XIRP2: variants seen among roughly 807,000 people sequenced by gnomAD.
The protein encoded by XIRP2 is xin actin-binding repeat-containing protein 2.
XIRP2 carries 236 observed loss-of-function variants against 277.0 expected under a neutral mutation model. The observed-to-expected ratio is 0.85, with a 90% CI of 0.77 to 0.95. XIRP2 has a LOEUF of 0.95. XIRP2 is among the 40% of genes least tolerant of loss of function. The probability of loss-of-function intolerance (pLI) is 0.00; values close to 1 mark genes in which losing one functional copy is unlikely to be tolerated. For synonymous variants in XIRP2, 1,490 were observed against 1,416.5 expected (o/e 1.05, Z -1.17); for missense variants, 4,640 against 4,157.5 (o/e 1.12, Z -3.19).
chr2:167,110,453 A>G (rs761049902), intron 2 of XIRP2, among the ~76,000 whole-genome samples: 3 of 152,076 alleles, frequency 2.0e-5, no homozygotes, highest in Non-Finnish European at 2.9e-5. Flanking sequence ...TGTTTTTGTC[A>G]GCTTTGTCAA....
intron 2 of XIRP2, among the ~76,000 whole-genome samples, chr2:167,120,377 G>A (rs1053149868): frequency 3.3e-5 from 5 of 152,276 alleles, no homozygotes; most frequent in Non-Finnish European, 5.9e-5. Flanking sequence ...GCAAATAACT[G>A]TATTATAGCA....
chr2:167,219,337 CTG>C (rs1694353964), intron 5 of XIRP2, among the ~76,000 whole-genome samples: 1 of 152,104 alleles, frequency 6.6e-6, no homozygotes, highest in Non-Finnish European at 1.5e-5. Context: ...TAATACATAA[CTG>C]TTGCAATGTA....
chr2:167,114,742 A>C (rs1368788928), intron 2 of XIRP2, among the ~76,000 whole-genome samples: 1 of 150,602 alleles, frequency 6.6e-6, no homozygotes, highest in African/African-American at 2.4e-5. Flanking sequence ...GATGATTTCC[A>C]CTCTCATCCA....
chr2:167,118,761 A>C (rs1245859577), intron 2 of XIRP2, among the ~76,000 whole-genome samples: 1 of 152,166 alleles, frequency 6.6e-6, no homozygotes, highest in Admixed American at 6.5e-5. Context: ...CTAGTTTCAG[A>C]TAGCCTATTA....
intron 2 of XIRP2, among the ~76,000 whole-genome samples, chr2:166,908,035 TC>T: frequency 6.6e-6 from 1 of 152,186 alleles, no homozygotes; most frequent in African/African-American, 2.4e-5. Context: ...TTGCATTGGT[TC>T]CAAGTCTTTG....
chr2:166,956,484 G>A (rs1686163189), intron 2 of XIRP2, among the ~76,000 whole-genome samples: 1 of 151,824 alleles, frequency 6.6e-6, no homozygotes, highest in Non-Finnish European at 1.5e-5. Context: ...ATGCATATGA[G>A]TATTTTGTGG....
chr2:167,085,681 C>G (rs1689918442), intron 2 of XIRP2, among the ~76,000 whole-genome samples: 1 of 151,654 alleles, frequency 6.6e-6, no homozygotes, highest in Non-Finnish European at 1.5e-5. Flanking sequence ...TGAATTGATC[C>G]CTTTACCATT....
intron 5 of XIRP2, among the ~76,000 whole-genome samples, chr2:167,224,400 A>ATTTTTG (rs1226305397): frequency 3.3e-5 from 5 of 151,522 alleles, no homozygotes; most frequent in South Asian, 4.2e-4. Context: ...CGCCCAGCTA[A>ATTTTTG]TTTTTGTTTT....
chr2:167,051,323 C>A (rs1289532583), intron 2 of XIRP2, among the ~76,000 whole-genome samples: 1 of 152,020 alleles, frequency 6.6e-6, no homozygotes, highest in East Asian at 1.9e-4. Flanking sequence ...ATGGTAAATT[C>A]TTTGGTAATA....
intron 3 of XIRP2, among the ~76,000 whole-genome samples, chr2:167,156,975 A>AT (rs896442589): frequency 2.0e-5 from 3 of 151,772 alleles, no homozygotes; most frequent in African/African-American, 7.3e-5. Flanking sequence ...GTTTCTTTCA[A>AT]TTTTTTTTCA....
In XIRP2 at chr2:167,246,928, A is replaced by G. The variant is rs1172344572; in HGVS notation, c.5536A>G (p.Asn1846Asp). ...IIKGDLTSTLNSLSQAVNQKT... is the reference protein window; with the variant it reads ...IIKGDLTSTLDSLSQAVNQKT... Reference sequence around the variant, plus strand: ...AAAAGGTGATTTGACATCAACCCTAAATTCCCTCAGCCAGGCTGTAAATCA... The same window carrying G: ...AAAAGGTGATTTGACATCAACCCTAGATTCCCTCAGCCAGGCTGTAAATCA... The change falls in exon 9 of 11, where the codon AAT becomes GAT. Residue 1846 changes from asparagine to aspartate, a missense_variant. By Grantham distance (23) the Asn-to-Asp change is conservative. Coordinates refer to ENST00000409195, the MANE Select transcript of XIRP2 (RefSeq NM_152381.6). 1.9e-6 allele frequency: 3 copies of G among 1,613,416 alleles called. No homozygotes were observed. The highest frequency in any genetic ancestry group is 4.5e-5 in the East Asian group (2 of 44,828).
At chr2:166,986,027 A>G (rs1450292757) in intron 2 of XIRP2, among the ~76,000 whole-genome samples, 15 of 152,340 alleles carry the variant, frequency 9.8e-5, no homozygotes. Context: ...GCAGAAGGAA[A>G]TGGTTGCACC....
intron 3 of XIRP2, among the ~76,000 whole-genome samples, chr2:167,185,010 G>T (rs1227044032): frequency 6.6e-6 from 1 of 152,056 alleles, no homozygotes; most frequent in East Asian, 1.9e-4. Context: ...TCATTCATCT[G>T]TCTTGCTTTC....
Position 167,247,765 on chromosome 2 carries a change from C to T in XIRP2, c.6373C>T (p.Gln2125Ter). 6.2e-7 allele frequency: 1 copy of T among 1,613,420 alleles called. No individual in the cohort carries two copies. The highest frequency in any genetic ancestry group is 1.3e-5 in the African/African-American group (1 of 74,922). ...TGCTGGTAAAACCGTTGGAAAGCAACAGACATATGAACTGAGAAATGACCA... is the reference window on the plus strand; with the variant it reads ...TGCTGGTAAAACCGTTGGAAAGCAATAGACATATGAACTGAGAAATGACCA... ...QSAGKTVGKQ[Q>*]TYELRNDHQK... The change falls in exon 9 of 11, where the codon CAG (glutamine) becomes TAG (stop). Residue 2125 changes from glutamine to a stop codon, truncating the protein, a stop_gained. Transcript: ENST00000409195. LOFTEE classifies it high-confidence loss of function.
chr2:167,086,312 G>A (rs189314596), intron 2 of XIRP2, among the ~76,000 whole-genome samples: 91 of 152,258 alleles, frequency 6.0e-4, no homozygotes, highest in African/African-American at 2.1e-3. Flanking sequence ...TGAGAGATCC[G>A]CTGTTAGTCT....
chr2:167,255,488 C>A (rs986846609), intron 10 of XIRP2, among the ~76,000 whole-genome samples: 1 of 151,774 alleles, frequency 6.6e-6, no homozygotes, highest in Non-Finnish European at 1.5e-5. Context: ...CCAAGTCCTG[C>A]AATTTCTGCC....
rs2105433377 is a variant in XIRP2, at chr2:167,242,889, C to T, written c.1497C>T (p.Asn499=). ...YSKQRNLYEL[N]RLYKHIHPEL... is the part of the protein sequence containing the mutation. ...AGCAAAGAAATTTGTATGAATTAAA[C>T]CGTTTATATAAACACATCCATCCTG... The change falls in exon 9 of 11, where the codon AAC becomes AAT. Residue 499 remains asparagine (N), a synonymous_variant. Coordinates refer to ENST00000409195, the MANE Select transcript of XIRP2 (RefSeq NM_152381.6). The T allele has an allele frequency of 6.2e-7, 1 of 1,614,046 alleles. No individual in the cohort carries two copies. Among genetic ancestry groups the T allele is most frequent in the Non-Finnish European group, 8.5e-7 (1 of 1,179,948 alleles).
intron 2 of XIRP2, among the ~76,000 whole-genome samples, chr2:167,013,534 GA>G (rs1558947704): frequency 6.6e-6 from 1 of 151,356 alleles, no homozygotes; most frequent in Non-Finnish European, 1.5e-5. Context: ...CCTCATATTA[GA>G]AAGTGTATGC....
intron 2 of XIRP2, among the ~76,000 whole-genome samples, chr2:166,997,268 C>T (rs4667940): frequency 0.32 from 49,261 of 152,016 alleles, 8,648 homozygotes; most frequent in African/African-American, 0.44. Flanking sequence ...ACTCTTTAGA[C>T]TGTCATGAAC....
Sources: allele counts gnomAD v4.1 joint callset (sites outside exome capture counted in the v4.1 genomes callset), GRCh38; gene constraint gnomAD v4.1.1; transcripts MANE v1.5; gene names NCBI Gene and HGNC (gene_info 2026-07-23, HGNC 2026-07-21).